Variants in RASSF6 observed in about 807,000 individuals in gnomAD.
RASSF6 encodes ras association domain-containing protein 6.
In RASSF6, 52 loss-of-function variants were observed where a neutral mutation model predicts 44.0. That is an observed-to-expected ratio of 1.18 (90% confidence interval 0.95 to 1.49). The LOEUF (loss-of-function observed/expected upper bound fraction) is 1.49. RASSF6 is among the 40% of genes most tolerant of loss of function. The pLI, the probability that RASSF6 is intolerant of heterozygous loss-of-function variation, is 0.00. For synonymous variants in RASSF6, 162 were observed against 124.6 expected (o/e 1.30, Z -2.00); for missense variants, 464 against 393.3 (o/e 1.18, Z -1.52).
intron 2 of RASSF6, among the ~76,000 whole-genome samples, chr4:73,602,510 C>G (rs1177590374): frequency 6.6e-6 from 1 of 152,190 alleles, no homozygotes; most frequent in Non-Finnish European, 1.5e-5. Context: ...TGGGCAGTCC[C>G]TAATCAATAA....
chr4:73,589,449 C>T (rs182144984), intron 4 of RASSF6, among the ~76,000 whole-genome samples: 1 of 151,686 alleles, frequency 6.6e-6, no homozygotes. Context: ...TAACCTGATG[C>T]TATGTCATAG....
intron 2 of RASSF6, among the ~76,000 whole-genome samples, chr4:73,607,308 A>G (rs1725710789): frequency 6.6e-6 from 1 of 152,014 alleles, no homozygotes; most frequent in African/African-American, 2.4e-5. Context: ...GCCTCCTTTC[A>G]AGAGACATTT....
At chr4:73,602,915 C>T (rs1207644050) in intron 2 of RASSF6, among the ~76,000 whole-genome samples, 3 of 152,052 alleles carry the variant, frequency 2.0e-5, no homozygotes, top group Non-Finnish European at 4.4e-5. Context: ...GGTGAAACCC[C>T]GTCTCTACTA....
At chr4:73,581,200 G>C (rs1013968367) in intron 8 of RASSF6, among the ~76,000 whole-genome samples, 6 of 151,972 alleles carry the variant, frequency 3.9e-5, no homozygotes, top group Non-Finnish European at 7.4e-5. Flanking sequence ...TCTACAAATT[G>C]ATATATAAAA....
In RASSF6 at chr4:73,581,813, T is replaced by C; in HGVS notation, c.721+4A>G. On this transcript the variant is annotated splice_donor_region_variant and intron_variant, in intron 8 of 10. Coordinates refer to ENST00000307439, the MANE Select transcript of RASSF6 (RefSeq NM_177532.5). ...AGGTAAAAAGTGTGATCAAGCTTTC[T>C]TACCTCCTGTTGCAAAAATAATGTG... The C allele has an allele frequency of 6.2e-7, 1 of 1,603,760 alleles. No homozygotes were observed. Among genetic ancestry groups the C allele is most frequent in the Non-Finnish European group, 8.5e-7 (1 of 1,171,106 alleles).
chr4:73,583,758 A>AATT (rs1723856521), intron 6 of RASSF6, among the ~76,000 whole-genome samples: 1 of 131,806 alleles, frequency 7.6e-6, no homozygotes, highest in Non-Finnish European at 1.7e-5. Flanking sequence ...ATGTAGACCG[A>AATT]GTTCTTTTGT....
chr4:73,585,178 A>G lies in RASSF6; in HGVS notation c.567+2T>C, dbSNP rs1309546478. The G allele has an allele frequency of 6.3e-7, 1 of 1,579,494 alleles. No homozygotes were observed. The highest frequency in any genetic ancestry group is 1.9e-5 in the Admixed American group (1 of 52,916). On this transcript the variant is annotated splice_donor_variant, in intron 6 of 10. Coordinates refer to ENST00000307439, the MANE Select transcript of RASSF6 (RefSeq NM_177532.5). LOFTEE classifies it high-confidence loss of function. ...ACATTAATGGAATTGTAACTCACTT[A>G]CTTCATGGTTATAGAAGTGTCCATT...
Position 73,578,843 on chromosome 4 carries a change from C to T in RASSF6, c.722-2112G>A, listed in dbSNP as rs943786034. 2.0e-5 allele frequency among the ~76,000 whole-genome samples: 3 copies of T among 151,956 alleles called. No homozygotes were observed. The South Asian group carries it at 6.2e-4, about 32-fold the overall frequency. ...GTCAGGCTGGTCTCAAACTCATGAC[C>T]TCAAATGATCCGCCCACCTCGGCCT... is the stretch of plus-strand genomic sequence containing the variant. On this transcript the variant is annotated intron_variant, in intron 8 of 10. Coordinates refer to ENST00000307439, the MANE Select transcript of RASSF6 (RefSeq NM_177532.5).
At chr4:73,607,455 C>T (rs1725718084) in intron 2 of RASSF6, among the ~76,000 whole-genome samples, 1 of 152,212 alleles carries the variant, frequency 6.6e-6, no homozygotes, top group African/African-American at 2.4e-5. Flanking sequence ...TTGATAGCTC[C>T]TTCTTAGTCA....
chr4:73,609,681 A>C (rs1308220361), intron 2 of RASSF6, among the ~76,000 whole-genome samples: 1 of 152,204 alleles, frequency 6.6e-6, no homozygotes, highest in African/African-American at 2.4e-5. Context: ...CTTGTTTACC[A>C]CAACAATGCC....
chr4:73,587,019 C>T (rs1384382726), intron 5 of RASSF6, among the ~76,000 whole-genome samples: 1 of 152,020 alleles, frequency 6.6e-6, no homozygotes, highest in East Asian at 1.9e-4. Context: ...ATCACAGCCC[C>T]ATTTCAGGCA....
chr4:73,592,528 A>G (rs370297691), intron 4 of RASSF6, among the ~76,000 whole-genome samples: 17 of 152,308 alleles, frequency 1.1e-4, no homozygotes, highest in East Asian at 5.8e-4. Context: ...TCTTGCTGAG[A>G]ATATTTATTA....
At position 73,598,729 on chromosome 4, in the gene RASSF6, A is replaced by C. The variant is rs777156896; in HGVS notation, c.66-11T>G. The C allele has an allele frequency of 5.0e-6, 6 of 1,189,864 alleles. No individual in the cohort carries two copies. In the South Asian group the frequency reaches 8.4e-5, roughly 17 times the overall value. 73.7% of individuals were successfully genotyped at this position (1,189,864 alleles called of 1,614,324 possible). A position where few individuals can be genotyped will look rare whatever the true frequency, so the allele number is the denominator to read the frequency against. On this transcript the variant is annotated splice_polypyrimidine_tract_variant and intron_variant, in intron 2 of 10. Coordinates refer to ENST00000307439, the MANE Select transcript of RASSF6 (RefSeq NM_177532.5). ...GAATTAAGTTGTTCCCTAAAAATAA[A>C]AAAAAATTAATTACAATCAGTCTTA...
chr4:73,613,748 C>G (rs1255803566), intron 1 of RASSF6, among the ~76,000 whole-genome samples: 1 of 152,104 alleles, frequency 6.6e-6, no homozygotes, highest in African/African-American at 2.4e-5. Flanking sequence ...TGAGACAAAC[C>G]ATGAATAACA....
At chr4:73,598,913 T>C (rs1263023106) in intron 2 of RASSF6, among the ~76,000 whole-genome samples, 195 bp from the exon 3 acceptor site, 2 of 152,218 alleles carry the variant, frequency 1.3e-5, no homozygotes, top group Non-Finnish European at 2.9e-5. Flanking sequence ...AAGTTGCTAA[T>C]TCATAAATAA....
At chr4:73,603,761 C>G (rs1461563706) in intron 2 of RASSF6, among the ~76,000 whole-genome samples, 2 of 152,186 alleles carry the variant, frequency 1.3e-5, no homozygotes, top group African/African-American at 4.8e-5. Flanking sequence ...CTGTAATATA[C>G]ATGAATGTGG....
At chr4:73,590,105 C>T (rs1724421196) in intron 4 of RASSF6, among the ~76,000 whole-genome samples, 1 of 152,120 alleles carries the variant, frequency 6.6e-6, no homozygotes, top group Non-Finnish European at 1.5e-5. Context: ...GAAAGATTTC[C>T]AAAACACTTG....
At chr4:73,586,581 TG>T (rs1724113497) in intron 5 of RASSF6, among the ~76,000 whole-genome samples, 1 of 151,982 alleles carries the variant, frequency 6.6e-6, no homozygotes, top group Non-Finnish European at 1.5e-5. Flanking sequence ...TAAGACCATG[TG>T]GTGGCATTTG....
rs1169627253 is a variant in RASSF6, at chr4:73,575,696, A to T, written c.*539T>A. 3.3e-5 allele frequency: 5 copies of T among 152,334 alleles called. No homozygotes were observed. In the East Asian group the frequency reaches 9.6e-4, roughly 29 times the overall value. 9.4% of individuals were successfully genotyped at this position (152,334 alleles called of 1,614,324 possible). On this transcript the variant is annotated 3_prime_UTR_variant, in exon 11 of 11. Transcript: ENST00000307439. ...AATTTTTCCTTTCCAAAGGCCAGAC[A>T]GCTCTGATGTTACAGATAGTCAGAA...
Sources: gnomAD v4.1 joint callset for allele counts (sites outside exome capture counted in the v4.1 genomes callset) on GRCh38, gnomAD v4.1.1 for gene constraint, MANE v1.5 for transcripts, NCBI Gene and HGNC (gene_info 2026-07-23, HGNC 2026-07-21) for gene names.